The following ACER3 variants were observed in gnomAD, a reference collection of about 807,000 sequenced individuals.
The protein encoded by ACER3 is alkCDase 3.
Under a neutral mutation model 48.9 loss-of-function variants are expected in ACER3, and 16 were observed. That is an observed-to-expected ratio of 0.33 (90% CI 0.22 to 0.50). The LOEUF (loss-of-function observed/expected upper bound fraction) is 0.50, where lower values mean the gene tolerates loss of function less well. ACER3 is among the 20% of genes least tolerant of loss of function. ACER3 has a pLI of 0.98. For synonymous variants in ACER3, 109 were observed against 107.8 expected, an observed-to-expected ratio of 1.01 and a Z score of -0.07; for missense variants, 227 against 326.0, an observed-to-expected ratio of 0.70 and a Z score of 2.34.
chr11:76,882,130 G>A (rs1036361048), intron 1 of ACER3, among the ~76,000 whole-genome samples: 3 of 150,286 alleles, frequency 2.0e-5, no homozygotes, highest in African/African-American at 7.4e-5. Flanking sequence ...TCAGCCTCCC[G>A]AGTAGCTGGG....
chr11:77,020,044 T>C (rs563165325), intron 10 of ACER3, among the ~76,000 whole-genome samples: 8 of 152,332 alleles, frequency 5.3e-5, no homozygotes, highest in Admixed American at 5.2e-4. Flanking sequence ...CCCAGCTCCA[T>C]GCTTGACAAA....
chr11:76,928,303 G>T (rs1275715235), intron 2 of ACER3, among the ~76,000 whole-genome samples: 5 of 151,736 alleles, frequency 3.3e-5, no homozygotes, highest in Non-Finnish European at 7.4e-5. Flanking sequence ...CTTTTTGATG[G>T]GGTTGTTTGT....
rs867632457 is a variant in ACER3 at position 76,965,904 on chromosome 11, C to T, written c.267+6873C>T. ...GCTAGGAAGAAACTACATCAACTAA[C>T]GAGCAAAATAACCAGCTAACATCAT... On this transcript the variant is annotated intron_variant, in intron 3 of 10. Coordinates refer to ENST00000532485, the MANE Select transcript of ACER3 (RefSeq NM_018367.7). Among the ~76,000 whole-genome samples the T allele has an allele frequency of 1.7e-3, 261 of 151,226 alleles. 14 individuals carry two copies. The highest frequency in any genetic ancestry group is 6.1e-3 in the African/African-American group (248 of 40,588).
chr11:77,003,447 CTCTT>C (rs1450968131), intron 7 of ACER3, among the ~76,000 whole-genome samples: 2 of 152,160 alleles, frequency 1.3e-5, no homozygotes, highest in Admixed American at 6.5e-5. Context: ...TTAGTCTTCT[CTCTT>C]TCTTTTTTGG....
intron 7 of ACER3, among the ~76,000 whole-genome samples, chr11:77,013,310 A>G (rs1949305529): frequency 6.6e-6 from 1 of 152,196 alleles, no homozygotes; most frequent in Non-Finnish European, 1.5e-5. Flanking sequence ...TAGTATTCAG[A>G]AAATAAAAGG....
Position 77,022,839 on chromosome 11 carries a change from G to A in ACER3, c.*2512G>A, listed in dbSNP as rs1172354899. On this transcript the variant is annotated 3_prime_UTR_variant, in exon 11 of 11. Transcript: ENST00000532485. Reference sequence around the variant, plus strand: ...ATTTTAGAAAATACTTTGTGAGGCCGGGCATGGTGGCAGAGCGAGACTCCG... The same window carrying A: ...ATTTTAGAAAATACTTTGTGAGGCCAGGCATGGTGGCAGAGCGAGACTCCG... 4.3e-5 allele frequency: 12 copies of A among 279,680 alleles called. No individual in the cohort carries two copies. In the South Asian group the frequency reaches 5.1e-4, roughly 12 times the overall value. The allele number at this position is 279,680 out of a possible 1,614,324, so 17.3% of individuals were successfully genotyped here. A position where few individuals can be genotyped will look rare whatever the true frequency, so the allele number is the denominator to read the frequency against.
intron 1 of ACER3, among the ~76,000 whole-genome samples, chr11:76,872,190 C>T (rs1945260144): frequency 6.6e-6 from 1 of 152,072 alleles, no homozygotes; most frequent in African/African-American, 2.4e-5. Flanking sequence ...TATTCTCCTG[C>T]CTCAGCCTCC....
Position 76,950,041 on chromosome 11 carries a change from T to C in ACER3, c.215-8938T>C, listed in dbSNP as rs141377326. On this transcript the variant is annotated intron_variant, in intron 2 of 10. Transcript: ENST00000532485. ...GCATTGCTATCACTTAGGACTCTGC[T>C]TTCTCTAGAAAGCCGCCTTTTAAAT... Among the ~76,000 whole-genome samples, 3 of 152,268 alleles carry C rather than the reference T, an allele frequency of 2.0e-5. 1 individual carries two copies. Among genetic ancestry groups the C allele is most frequent in the African/African-American group, 7.2e-5 (3 of 41,570 alleles).
chr11:77,002,017 TTC>T (rs1949042528), intron 7 of ACER3, among the ~76,000 whole-genome samples: 1 of 152,168 alleles, frequency 6.6e-6, no homozygotes, highest in African/African-American at 2.4e-5. Flanking sequence ...ATTTGGTCTT[TTC>T]TCTGTGCATG....
chr11:76,996,719 C>CTTTTTTTTTT (rs36108857), intron 6 of ACER3, among the ~76,000 whole-genome samples: 1 of 138,708 alleles, frequency 7.2e-6, no homozygotes. Context: ...CCCACCCAGC[C>CTTTTTTTTTT]TTTTTTTTTT....
At chr11:76,875,748 T>TTTTTTTTTG in intron 1 of ACER3, among the ~76,000 whole-genome samples, 1 of 137,724 alleles carries the variant, frequency 7.3e-6, no homozygotes, top group Non-Finnish European at 1.6e-5. Flanking sequence ...TTTTTTTTTT[T>TTTTTTTTTG]TTTTTTTTGT....
intron 7 of ACER3, among the ~76,000 whole-genome samples, chr11:77,004,253 A>G (rs1274417564): frequency 6.6e-6 from 1 of 152,162 alleles, no homozygotes; most frequent in African/African-American, 2.4e-5. Context: ...TTTCCTATAA[A>G]TCACGTTAGT....
chr11:76,974,886 C>T (rs1390094651), intron 3 of ACER3, among the ~76,000 whole-genome samples: 2 of 152,170 alleles, frequency 1.3e-5, no homozygotes, highest in Non-Finnish European at 2.9e-5. Context: ...TTTATTATTA[C>T]ATGTAATCTG....
chr11:76,868,391 C>CTG (rs1166994217), intron 1 of ACER3: 21,032 of 174,026 alleles, frequency 0.12, 825 homozygotes, highest in Admixed American at 0.18. Flanking sequence ...CTCTCTCTCT[C>CTG]TGTGTGTGTG....
chr11:76,941,023 ACACACACACACACACACG>A (rs1388676724), intron 2 of ACER3, among the ~76,000 whole-genome samples: 21 of 89,374 alleles, frequency 2.3e-4, no homozygotes, highest in African/African-American at 7.3e-4. Flanking sequence ...ACACACACAC[ACACACACACACACACACG>A]CACACACACA....
At chr11:77,000,314 T>G (rs1265305533) in intron 7 of ACER3, among the ~76,000 whole-genome samples, 1 of 152,234 alleles carries the variant, frequency 6.6e-6, no homozygotes, top group Non-Finnish European at 1.5e-5. Flanking sequence ...GTTTTTACAG[T>G]TGAGTTGTGA....
At chr11:76,965,525 A>C (rs1239231090) in intron 3 of ACER3, among the ~76,000 whole-genome samples, 13 of 151,400 alleles carry the variant, frequency 8.6e-5, no homozygotes, top group Admixed American at 2.6e-4. Context: ...CGAAAGCTGA[A>C]ATGAAGGAAA....
At chr11:76,884,470 G>T (rs1008187792) in intron 1 of ACER3, among the ~76,000 whole-genome samples, 1 of 152,122 alleles carries the variant, frequency 6.6e-6, no homozygotes, top group Non-Finnish European at 1.5e-5. Context: ...CCAAATCATT[G>T]TAGTGTTCTT....
intron 2 of ACER3, among the ~76,000 whole-genome samples, chr11:76,932,356 T>C (rs1030556781): frequency 2.6e-5 from 4 of 152,202 alleles, no homozygotes; most frequent in Non-Finnish European, 5.9e-5. Context: ...AACTGTAAGC[T>C]ATAGTGAATC....
Sources: gnomAD v4.1 joint callset for allele counts (sites outside exome capture counted in the v4.1 genomes callset) on GRCh38, gnomAD v4.1.1 for gene constraint, MANE v1.5 for transcripts, NCBI Gene and HGNC (gene_info 2026-07-23, HGNC 2026-07-21) for gene names.